The following CCDC180 variants were observed in gnomAD, a reference collection of about 807,000 sequenced individuals.
The protein encoded by CCDC180 is coiled-coil domain containing 180, also known as coiled-coil domain-containing protein 180.
Under a neutral mutation model 209.2 loss-of-function variants are expected in CCDC180, and 154 were observed. The observed-to-expected ratio is 0.74, with a 90% CI of 0.65 to 0.84. The LOEUF is 0.84. CCDC180 is among the 40% of genes least tolerant of loss of function. CCDC180 has a pLI of 0.00. For missense variants in CCDC180, 1,874 were observed against 1,997.3 expected (o/e 0.94, Z 1.18); for synonymous variants, 778 against 749.1 (o/e 1.04, Z -0.63).
Position 97,361,723 on chromosome 9 carries a change from C to T in CCDC180, c.3484-3C>T, listed in dbSNP as rs1197115474. ...CCCTCAGGCCCTTCTCTCTGGCCTG[C>T]AGAACACCATCCTGAAGGACCAGGA... On this transcript the variant is annotated splice_polypyrimidine_tract_variant and splice_region_variant and intron_variant, in intron 26 of 36. Transcript: ENST00000529487. 6.2e-7 allele frequency: 1 copy of T among 1,613,618 alleles called. No homozygotes were observed. The highest frequency in any genetic ancestry group is 2.2e-5 in the East Asian group (1 of 44,890).
intron 34 of CCDC180, chr9:97,374,099 CT>C (rs747099180): frequency 6.2e-6 from 1 of 160,744 alleles, no homozygotes; most frequent in African/African-American, 2.4e-5. Flanking sequence ...CCCCTCGCCC[CT>C]GATCTAGAAA....
Position 97,325,169 on chromosome 9 carries a change from C to T in CCDC180, c.1522C>T (p.Gln508Ter). The T allele has an allele frequency of 1.2e-6, 2 of 1,603,080 alleles. No individual in the cohort carries two copies. The highest frequency in any genetic ancestry group is 2.7e-5 in the African/African-American group (2 of 74,964). Residue 508 changes from glutamine to a stop codon, truncating the protein, a stop_gained, in exon 14 of 37, where the codon CAG becomes TAG. Transcript: ENST00000529487. LOFTEE classifies it high-confidence loss of function. ...ELEKRMEQHR[Q>*]KHSLESQVQE... ...GGAGAAGAGGATGGAGCAGCACCGG[C>T]AGAAGCACAGCCTGGAGAGCCAGGT...
At chr9:97,324,548 C>G (rs927242928) in intron 13 of CCDC180, among the ~76,000 whole-genome samples, 2 of 152,166 alleles carry the variant, frequency 1.3e-5, no homozygotes, top group African/African-American at 4.8e-5. Flanking sequence ...GCTTGCCCAC[C>G]CCTGGCCCAG....
upstream of CCDC180, chr9:97,307,625 G>A (rs1029299801): frequency 1.1e-5 from 11 of 998,444 alleles, no homozygotes; most frequent in Non-Finnish European, 1.6e-5. Context: ...CGAATTCTGC[G>A]CCGCATTAGA....
intron 20 of CCDC180, 77 bp downstream of exon 20, chr9:97,347,566 C>G: frequency 7.5e-7 from 1 of 1,335,104 alleles, no homozygotes; most frequent in South Asian, 1.4e-5. Context: ...GCTCCATGTT[C>G]ATTAGCTGCC....
intron 18 of CCDC180, among the ~76,000 whole-genome samples, chr9:97,331,752 T>A (rs578127668): frequency 6.6e-6 from 1 of 152,326 alleles, no homozygotes; most frequent in African/African-American, 2.4e-5. Context: ...TAGGGTTGTT[T>A]GGTTTTTGCT....
rs975922503 is a variant in CCDC180 at position 97,371,874 on chromosome 9, T to A, written c.4600+168T>A. The A allele has an allele frequency of 8.5e-6, 4 of 470,644 alleles. No individual in the cohort carries two copies. The South Asian group carries it at 1.9e-4, about 23-fold the overall frequency. The allele number at this position is 470,644 out of a possible 1,614,324, so 29.2% of individuals were successfully genotyped here. ...AATAATTTTTTGATTAAAAAGCAAA[T>A]GCCAGATGGCTCAACGTTTATATAT... On this transcript the variant is annotated intron_variant, in intron 34 of 36. Transcript: ENST00000529487.
At chr9:97,347,679 A>C in intron 20 of CCDC180, 190 bp downstream of exon 20, 1 of 546,270 alleles carries the variant, frequency 1.8e-6, no homozygotes. Flanking sequence ...AGTACTCCAA[A>C]TCCTTCTGTG....
intron 18 of CCDC180, among the ~76,000 whole-genome samples, chr9:97,333,328 CTTTG>C (rs1303618082): frequency 2.6e-5 from 4 of 151,982 alleles, no homozygotes; most frequent in African/African-American, 9.7e-5. Flanking sequence ...CTGAAATTTT[CTTTG>C]TTTGTTGTGT....
intron 29 of CCDC180, chr9:97,365,447 C>A: frequency 2.0e-6 from 1 of 506,398 alleles, no homozygotes; most frequent in Non-Finnish European, 3.6e-6. Flanking sequence ...TGCAGCTGAG[C>A]TGGGGTCTGA....
chr9:97,335,043 G>A (rs1182603277), intron 18 of CCDC180, among the ~76,000 whole-genome samples: 2 of 152,100 alleles, frequency 1.3e-5, no homozygotes, highest in African/African-American at 4.8e-5. Flanking sequence ...ATGTAATATT[G>A]TATTGAAATT....
chr9:97,333,667 G>T (rs1320988479), intron 18 of CCDC180, among the ~76,000 whole-genome samples: 1 of 151,630 alleles, frequency 6.6e-6, no homozygotes, highest in African/African-American at 2.4e-5. Flanking sequence ...TTTCTAGTTT[G>T]TGTGCAAAGA....
intron 19 of CCDC180, among the ~76,000 whole-genome samples, chr9:97,344,539 T>C (rs997985421): frequency 4.6e-5 from 7 of 152,056 alleles, no homozygotes; most frequent in African/African-American, 1.7e-4. Context: ...TGTGAGAGAG[T>C]TACCATACTT....
At chr9:97,311,206 G>A (rs1832977164) in intron 3 of CCDC180, among the ~76,000 whole-genome samples, 1 of 152,174 alleles carries the variant, frequency 6.6e-6, no homozygotes, top group African/African-American at 2.4e-5. Context: ...TGGAGCAAGT[G>A]ACCAAGAAGC....
chr9:97,358,959 G>A lies in CCDC180; in HGVS notation c.3364-1023G>A, dbSNP rs531710883. On this transcript the variant is annotated intron_variant, in intron 25 of 36. Transcript: ENST00000529487. ...TTATTGCATGACTCTTGAAAAAAGC[G>A]TAAACACCCACAAAGCATAGTTTGC... Among the ~76,000 whole-genome samples, 6 of 152,250 alleles carry A rather than the reference G, an allele frequency of 3.9e-5. No homozygotes were observed. The South Asian group carries it at 6.2e-4, about 16-fold the overall frequency.
At chr9:97,322,539 T>G (rs1192177722) in intron 11 of CCDC180, among the ~76,000 whole-genome samples, 2 of 152,222 alleles carry the variant, frequency 1.3e-5, no homozygotes, top group African/African-American at 4.8e-5. Flanking sequence ...CATTACTGGT[T>G]TACAACTTGG....
chr9:97,322,862 A>C lies in CCDC180; in HGVS notation c.1189A>C (p.Ile397Leu). ...DTYHVDCMMR[I>L]RLLYEKTWQE... The stretch of plus-strand genomic sequence containing the variant: ...CTACCACGTGGACTGCATGATGCGG[A>C]TCCGCCTGCTGTATGAGAAGACATG... Residue 397 changes from isoleucine to leucine, a missense_variant, in exon 12 of 37, where the codon ATC (isoleucine) becomes CTC (leucine). Physicochemically the swap from Ile to Leu is conservative, Grantham distance 5 (BLOSUM62 2). Transcript: ENST00000529487. The C allele has an allele frequency of 6.2e-7, 1 of 1,614,060 alleles. No individual in the cohort carries two copies. The highest frequency in any genetic ancestry group is 8.5e-7 in the Non-Finnish European group (1 of 1,180,008).
intron 3 of CCDC180, among the ~76,000 whole-genome samples, chr9:97,311,068 T>C (rs1832970317): frequency 6.6e-6 from 1 of 152,154 alleles, no homozygotes; most frequent in Admixed American, 6.5e-5. Context: ...GTGCAGGTGT[T>C]TGAAGATTCG....
rs143353150 is a variant in CCDC180 at position 97,331,489 on chromosome 9, A to G, written c.2274+722A>G. Among the ~76,000 whole-genome samples the G allele has an allele frequency of 5.5e-3, 832 of 152,260 alleles. 5 individuals carry two copies. The highest frequency in any genetic ancestry group is 7.6e-3 in the Non-Finnish European group (515 of 68,014). On this transcript the variant is annotated intron_variant, in intron 18 of 36. Transcript: ENST00000529487. ...TAGTTCTGTTTTAAGTTCTTTGAGAAATTGCCACACTGGAATACACTCCCA... is the reference window on the plus strand; with the variant it reads ...TAGTTCTGTTTTAAGTTCTTTGAGAGATTGCCACACTGGAATACACTCCCA...
Sources: allele counts gnomAD v4.1 joint callset (sites outside exome capture counted in the v4.1 genomes callset), GRCh38; gene constraint gnomAD v4.1.1; transcripts MANE v1.5; gene names NCBI Gene and HGNC (gene_info 2026-07-23, HGNC 2026-07-21).